ARMC2: variants seen among roughly 807,000 people sequenced by gnomAD.
The protein encoded by ARMC2 is armadillo repeat-containing protein 2.
A neutral mutation model predicts 90.3 loss-of-function variants in ARMC2; 67 were observed. The observed-to-expected ratio is 0.74, with a 90% CI of 0.61 to 0.91. The LOEUF (loss-of-function observed/expected upper bound fraction) is 0.91, where lower values mean the gene tolerates loss of function less well. Ranked by LOEUF, ARMC2 falls within the 40% of genes least tolerant of loss-of-function variation. The probability of loss-of-function intolerance (pLI) is 0.00; values close to 1 mark genes in which losing one functional copy is unlikely to be tolerated. For missense variants in ARMC2, 920 were observed against 1,030.9 expected, an observed-to-expected ratio of 0.89 and a Z score of 1.47; for synonymous variants, 393 against 393.0, an observed-to-expected ratio of 1.00 and a Z score of 0.00.
Position 108,874,360 on chromosome 6 carries a change from C to T in ARMC2, c.464-1783C>T, listed in dbSNP as rs184738816. Among the ~76,000 whole-genome samples, 380 of 152,324 alleles carry T rather than the reference C, an allele frequency of 2.5e-3. 5 individuals carry two copies. The highest frequency in any genetic ancestry group is 1.2e-3 in the East Asian group (6 of 5,182). The stretch of plus-strand genomic sequence containing the variant: ...CACCCGTGCAGTAAACAGCACCTGG[C>T]ACATAGTCGTGGGTGCTTAATAAAT... On this transcript the variant is annotated intron_variant, in intron 4 of 17. Transcript: ENST00000392644.
the ARMC2 span, chr6:109,000,398 C>T: frequency 2.1e-6 from 2 of 941,120 alleles, no homozygotes; most frequent in East Asian, 2.8e-5. Context: ...AAAATAGGAA[C>T]TCTCTGTACT....
intron 13 of ARMC2, among the ~76,000 whole-genome samples, chr6:108,955,641 T>TC (rs1777523583): frequency 6.6e-6 from 1 of 152,112 alleles, no homozygotes; most frequent in Non-Finnish European, 1.5e-5. Context: ...ACTTACCACT[T>TC]CCATGTAAAT....
chr6:108,965,959 AT>A (rs1426643710), intron 17 of ARMC2, among the ~76,000 whole-genome samples: 1 of 151,158 alleles, frequency 6.6e-6, no homozygotes, highest in Non-Finnish European at 1.5e-5. Flanking sequence ...GGCCAGGATC[AT>A]TTTTTACATT....
At chr6:108,878,561 G>T (rs1303951663) in intron 5 of ARMC2, among the ~76,000 whole-genome samples, 1 of 152,198 alleles carries the variant, frequency 6.6e-6, no homozygotes, top group Non-Finnish European at 1.5e-5. Context: ...TTCAGATATT[G>T]ATGGAATATC....
chr6:108,861,722 A>G (rs1199646009), intron 3 of ARMC2, among the ~76,000 whole-genome samples: 3 of 152,210 alleles, frequency 2.0e-5, no homozygotes, highest in Admixed American at 1.3e-4. Flanking sequence ...TGAGCCAGCT[A>G]CAGCCTGAGG....
At chr6:108,887,319 C>T (rs1254377215) in intron 5 of ARMC2, among the ~76,000 whole-genome samples, 1 of 152,186 alleles carries the variant, frequency 6.6e-6, no homozygotes, top group Non-Finnish European at 1.5e-5. Context: ...AGTGGTAACT[C>T]AAGTCAGTCC....
chr6:108,995,502 A>C, the ARMC2 span, among the ~76,000 whole-genome samples: 1 of 152,224 alleles, frequency 6.6e-6, no homozygotes, highest in East Asian at 1.9e-4. Context: ...GGGCTGACAA[A>C]GGACTGGCCA....
the ARMC2 span, chr6:109,001,452 C>T: frequency 6.2e-7 from 1 of 1,613,710 alleles, no homozygotes; most frequent in Non-Finnish European, 8.5e-7. Context: ...GCAAATAAAG[C>T]ATGCATCTGT....
downstream of ARMC2, among the ~76,000 whole-genome samples, chr6:108,975,366 T>A (rs1293570372): frequency 2.0e-5 from 3 of 151,164 alleles, no homozygotes; most frequent in Admixed American, 2.0e-4. Context: ...TAGTATTCCA[T>A]GGTATATATG....
the ARMC2 span, chr6:109,009,500 G>A: frequency 1.2e-5 from 14 of 1,214,818 alleles, no homozygotes; most frequent in African/African-American, 1.6e-5. Flanking sequence ...GAGGCGGCGA[G>A]CGCTGGGCAG....
intron 4 of ARMC2, among the ~76,000 whole-genome samples, chr6:108,870,497 A>AAG (rs918863661): frequency 3.3e-5 from 5 of 149,484 alleles, no homozygotes; most frequent in Non-Finnish European, 5.9e-5. Flanking sequence ...AAAAGAAAGA[A>AAG]AGAGAGAGAG....
chr6:109,019,560 C>T, the ARMC2 span, among the ~76,000 whole-genome samples: 1 of 152,142 alleles, frequency 6.6e-6, no homozygotes, highest in Non-Finnish European at 1.5e-5. Flanking sequence ...GTCCTTTCAG[C>T]CCTCTTCAAG....
rs1361212097 is a variant in ARMC2, at chr6:108,870,613, AAGAAG to A, written c.463+1622_463+1626del. ...AGAAAAAAGGAAAGAAGGAAAGAAA[AAGAAG>A]AGAGGGAGGGAGGAAGGAAGGAAGA... is the stretch of plus-strand genomic sequence containing the variant. On this transcript the variant is annotated intron_variant, in intron 4 of 17. Coordinates refer to ENST00000392644, the MANE Select transcript of ARMC2 (RefSeq NM_032131.6). Among the ~76,000 whole-genome samples, 4 of 151,328 alleles carry A rather than the reference AAGAAG, an allele frequency of 2.6e-5. No individual in the cohort carries two copies. In the East Asian group the frequency reaches 7.7e-4, roughly 29 times the overall value.
At chr6:109,007,785 CTTTTTT>C in the ARMC2 span, among the ~76,000 whole-genome samples, 13,657 of 103,356 alleles carry the variant, frequency 0.13, 694 homozygotes, top group Middle Eastern at 0.3. Flanking sequence ...AGTCCAGGTA[CTTTTTT>C]TTTTTTTTTT....
intron 1 of ARMC2, among the ~76,000 whole-genome samples, chr6:108,849,586 A>G (rs980646430): frequency 2.0e-5 from 3 of 152,164 alleles, no homozygotes; most frequent in African/African-American, 7.2e-5. Context: ...CTCTTTTGCA[A>G]TTTCTTTTTT....
At chr6:108,969,061 T>C (rs1040104769) in intron 17 of ARMC2, among the ~76,000 whole-genome samples, 6 of 152,154 alleles carry the variant, frequency 3.9e-5, no homozygotes, top group Admixed American at 2.6e-4. Context: ...CTGATGACCA[T>C]GTGTGTAGTT....
intron 5 of ARMC2, among the ~76,000 whole-genome samples, chr6:108,885,013 A>G (rs1777943168): frequency 6.6e-6 from 1 of 152,186 alleles, no homozygotes; most frequent in African/African-American, 2.4e-5. Context: ...TACAGCACTG[A>G]CAAGTTACAA....
At chr6:108,998,384 TAG>T in the ARMC2 span, 1 of 1,013,416 alleles carries the variant, frequency 9.9e-7, no homozygotes, top group Non-Finnish European at 1.4e-6. Context: ...ACTGAATGAA[TAG>T]ATATAGGGGC....
At position 108,960,210 on chromosome 6, in the gene ARMC2, CG is replaced by C. The variant is rs573412413; in HGVS notation, c.1916-1357del. Reference sequence around the variant, plus strand: ...ACATCTACCCAATTATGTGCACCGGCGGGGGACACCCCGGGTGATTCCTCTC... The same window carrying C: ...ACATCTACCCAATTATGTGCACCGGCGGGGACACCCCGGGTGATTCCTCTC... On this transcript the variant is annotated intron_variant, in intron 13 of 17. Transcript: ENST00000392644. Among the ~76,000 whole-genome samples the C allele has an allele frequency of 8.7e-3, 1,328 of 152,058 alleles. 24 individuals are homozygous for C. Among genetic ancestry groups the C allele is most frequent in the African/African-American group, 0.031 (1,276 of 41,476 alleles).
Sources: allele counts gnomAD v4.1 joint callset (sites outside exome capture counted in the v4.1 genomes callset), GRCh38; gene constraint gnomAD v4.1.1; transcripts MANE v1.5; gene names NCBI Gene and HGNC (gene_info 2026-07-23, HGNC 2026-07-21).